The following SDCCAG8 variants were observed in gnomAD, a reference collection of about 807,000 sequenced individuals.
The protein encoded by SDCCAG8 is SHH signaling and ciliogenesis regulator SDCCAG8, also known as serologically defined colon cancer antigen 8.
Under a neutral mutation model 101.8 loss-of-function variants are expected in SDCCAG8, and 74 were observed. That is an observed-to-expected ratio of 0.73 (90% CI 0.60 to 0.88). The LOEUF is 0.88. Ranked by LOEUF, SDCCAG8 falls within the 40% of genes least tolerant of loss-of-function variation. SDCCAG8 has a pLI of 0.00. For missense variants in SDCCAG8, 787 were observed against 822.6 expected, an observed-to-expected ratio of 0.96 and a Z score of 0.53; for synonymous variants, 281 against 292.9, an observed-to-expected ratio of 0.96 and a Z score of 0.41.
At chr1:243,339,794 T>A (rs575322741) in intron 10 of SDCCAG8, among the ~76,000 whole-genome samples, 3 of 152,348 alleles carry the variant, frequency 2.0e-5, no homozygotes, top group African/African-American at 4.8e-5. Context: ...AGTAATTGAT[T>A]TAAGTTATAA....
At chr1:243,324,686 C>T (rs896390314) in intron 9 of SDCCAG8, among the ~76,000 whole-genome samples, 1 of 152,024 alleles carries the variant, frequency 6.6e-6, no homozygotes, top group African/African-American at 2.4e-5. Flanking sequence ...TAATTGGTTT[C>T]CCTCAAATTT....
chr1:243,419,385 AG>A (rs2080831753), intron 15 of SDCCAG8, among the ~76,000 whole-genome samples: 1 of 152,202 alleles, frequency 6.6e-6, no homozygotes, highest in African/African-American at 2.4e-5. Flanking sequence ...TGCACCACAT[AG>A]ATCCAAAAGT....
chr1:243,348,296 G>C (rs908365006), intron 12 of SDCCAG8, among the ~76,000 whole-genome samples: 6 of 149,378 alleles, frequency 4.0e-5, no homozygotes, highest in South Asian at 2.1e-4. Context: ...TTGATCCGCC[G>C]GCCTCGGCCT....
intron 16 of SDCCAG8, among the ~76,000 whole-genome samples, chr1:243,464,999 TC>T (rs1018232064): frequency 1.8e-4 from 28 of 152,368 alleles, no homozygotes; most frequent in African/African-American, 6.7e-4. Context: ...TAACAGTGAC[TC>T]CCAGTGTGAT....
chr1:243,393,728 T>G (rs941941073), intron 13 of SDCCAG8, among the ~76,000 whole-genome samples: 1 of 152,220 alleles, frequency 6.6e-6, no homozygotes, highest in African/African-American at 2.4e-5. Flanking sequence ...ATCAAAAAGT[T>G]TGCAGTATCA....
intron 9 of SDCCAG8, among the ~76,000 whole-genome samples, chr1:243,329,125 T>G (rs1010465163): frequency 6.6e-6 from 1 of 152,212 alleles, no homozygotes; most frequent in African/African-American, 2.4e-5. Flanking sequence ...GGGCTTAAAT[T>G]ATAGAAAAAG....
At chr1:243,271,724 A>G (rs1184586244) in intron 3 of SDCCAG8, among the ~76,000 whole-genome samples, 2 of 151,894 alleles carry the variant, frequency 1.3e-5, no homozygotes, top group Non-Finnish European at 2.9e-5. Context: ...TTGTATTTTT[A>G]GTAGAGATGG....
intron 13 of SDCCAG8, among the ~76,000 whole-genome samples, chr1:243,402,155 C>T (rs1181872919): frequency 6.6e-6 from 1 of 152,034 alleles, no homozygotes; most frequent in Non-Finnish European, 1.5e-5. Flanking sequence ...AGGCTGGGCG[C>T]GGTAGCTCAT....
At chr1:243,259,795 A>T (rs889027177) in intron 1 of SDCCAG8, among the ~76,000 whole-genome samples, 2 of 152,226 alleles carry the variant, frequency 1.3e-5, no homozygotes, top group African/African-American at 2.4e-5. Flanking sequence ...AGATCGCGCC[A>T]CTGCACTCCA....
At chr1:243,415,660 T>C in intron 13 of SDCCAG8, 42 bp from the exon 14 acceptor site, 1 of 1,613,314 alleles carries the variant, frequency 6.2e-7, no homozygotes, top group Non-Finnish European at 8.5e-7. Flanking sequence ...GGTTTGTGCA[T>C]CTGCAGATTA....
At position 243,316,905 on chromosome 1, in the gene SDCCAG8, A is replaced by G; in HGVS notation, c.1068+12A>G. ...TTGAAAAAACCAAGGCAAGTCTAATAAGATGCAAATAAAAGTGTCTTTCTT... is the reference window on the plus strand; with the variant it reads ...TTGAAAAAACCAAGGCAAGTCTAATGAGATGCAAATAAAAGTGTCTTTCTT... On this transcript the variant is annotated intron_variant, in intron 9 of 17. Coordinates refer to ENST00000366541, the MANE Select transcript of SDCCAG8 (RefSeq NM_006642.5). 1 of 1,613,522 alleles carries G rather than the reference A, an allele frequency of 6.2e-7. No individual in the cohort carries two copies. Among genetic ancestry groups the G allele is most frequent in the Non-Finnish European group, 8.5e-7 (1 of 1,179,686 alleles).
rs903289863 is a variant in SDCCAG8 at position 243,416,936 on chromosome 1, C to G, written c.1745-1032C>G. 1.3e-5 allele frequency among the ~76,000 whole-genome samples: 2 copies of G among 152,168 alleles called. No individual in the cohort carries two copies. The highest frequency in any genetic ancestry group is 2.9e-5 in the Non-Finnish European group (2 of 68,034). ...TAAAATTGAAAAGAAATAAAGGCCT[C>G]TTAAAACTTATGCTTAGAGGTAATT... On this transcript the variant is annotated intron_variant, in intron 14 of 17. Transcript: ENST00000366541. This position sits in a 1 kb window ranked among gnomAD's most constrained non-coding sequence, Gnocchi z 4.3.
intron 6 of SDCCAG8, among the ~76,000 whole-genome samples, chr1:243,302,432 T>A (rs775997974): frequency 6.6e-6 from 1 of 152,160 alleles, no homozygotes; most frequent in Non-Finnish European, 1.5e-5. Flanking sequence ...CTAACTCTAC[T>A]GTTTCGTGCA....
rs778409984 is a variant in SDCCAG8 at position 243,293,117 on chromosome 1, A to G, written c.573A>G (p.Thr191=). The G allele has an allele frequency of 3.1e-6, 5 of 1,614,158 alleles. No individual in the cohort carries two copies. In the East Asian group the frequency reaches 1.1e-4, roughly 36 times the overall value. ...GAAACATGCACAATTCTTGGATTAC[A>G]ACAGGTGAAGATTCTGGGGTGGGCG... ...ASGNMHNSWI[T]TGEDSGVGET... The change falls in exon 6 of 18, where the codon ACA becomes ACG. Residue 191 remains threonine (T), a synonymous_variant. Coordinates refer to ENST00000366541, the MANE Select transcript of SDCCAG8 (RefSeq NM_006642.5).
At chr1:243,256,317 C>G in intron 1 of SDCCAG8, 77 bp downstream of exon 1, 1 of 1,202,982 alleles carries the variant, frequency 8.3e-7, no homozygotes, top group Non-Finnish European at 1.2e-6. Flanking sequence ...AGGTGCGTTT[C>G]CTAACACCTG....
chr1:243,334,511 A>G (rs947673225), intron 10 of SDCCAG8, among the ~76,000 whole-genome samples: 1 of 152,118 alleles, frequency 6.6e-6, no homozygotes, highest in Non-Finnish European at 1.5e-5. Flanking sequence ...TTTCCAGTGC[A>G]GGATATTGCA....
chr1:243,472,138 C>T (rs1661392204), intron 16 of SDCCAG8, among the ~76,000 whole-genome samples: 1 of 152,174 alleles, frequency 6.6e-6, no homozygotes, highest in Non-Finnish European at 1.5e-5. Context: ...GTTTCAGGGT[C>T]ATGGCACATG....
At chr1:243,499,723 C>A (rs760595628) in intron 17 of SDCCAG8, 33 bp from the exon 18 acceptor site, 1 of 1,536,464 alleles carries the variant, frequency 6.5e-7, no homozygotes, top group South Asian at 1.1e-5. Context: ...AGAACATGAG[C>A]TATTGAAACT....
intron 17 of SDCCAG8, among the ~76,000 whole-genome samples, chr1:243,491,437 TA>T (rs1417997894): frequency 6.6e-6 from 1 of 152,240 alleles, no homozygotes; most frequent in Non-Finnish European, 1.5e-5. Context: ...CACTTGGAGT[TA>T]TTTTAATATG....
Sources: gnomAD v4.1 joint callset for allele counts (sites outside exome capture counted in the v4.1 genomes callset) on GRCh38, gnomAD v4.1.1 for gene constraint, Gnocchi (gnomAD v3.1) non-coding constraint, MANE v1.5 for transcripts, NCBI Gene and HGNC (gene_info 2026-07-23, HGNC 2026-07-21) for gene names.